The following CLIP1 variants were observed in gnomAD, a reference collection of about 807,000 sequenced individuals.
The protein encoded by CLIP1 is CAP-Gly domain containing linker protein 1, also known as CAP-Gly domain-containing linker protein 1.
A neutral mutation model predicts 161.6 loss-of-function variants in CLIP1; 66 were observed. The observed-to-expected ratio is 0.41, with a 90% CI of 0.33 to 0.50. The LOEUF is 0.50. Among genes scored for constraint, CLIP1 ranks in the 20% least tolerant of loss-of-function variants. The pLI, the probability that CLIP1 is intolerant of heterozygous loss-of-function variation, is 0.27. For synonymous variants in CLIP1, 598 were observed against 626.2 expected (o/e 0.96, Z 0.67); for missense variants, 1,376 against 1,702.0 (o/e 0.81, Z 3.37).
intron 3 of CLIP1, among the ~76,000 whole-genome samples, chr12:122,371,728 G>C (rs1002524275): frequency 2.0e-5 from 3 of 152,326 alleles, no homozygotes; most frequent in Non-Finnish European, 4.4e-5. Context: ...GGATCTGACA[G>C]GCAGGTGGAC....
chr12:122,406,865 C>T (rs1213519088), intron 1 of CLIP1, among the ~76,000 whole-genome samples: 2 of 149,906 alleles, frequency 1.3e-5, no homozygotes, highest in East Asian at 3.9e-4. Flanking sequence ...AGTCTGAGTG[C>T]AGATTTATAT....
At chr12:122,387,205 A>T (rs1446182291) in intron 1 of CLIP1, among the ~76,000 whole-genome samples, 1 of 152,060 alleles carries the variant, frequency 6.6e-6, no homozygotes, top group Non-Finnish European at 1.5e-5. Flanking sequence ...GACTTTCATT[A>T]CTATAATACA....
At chr12:122,359,350 C>T (rs763855654) in intron 5 of CLIP1, among the ~76,000 whole-genome samples, 30 of 152,064 alleles carry the variant, frequency 2.0e-4, no homozygotes, top group Non-Finnish European at 3.4e-4. Context: ...GAGAGATTGG[C>T]GGGAGCAGGG....
rs545769751 is a variant in CLIP1 at position 122,416,947 on chromosome 12, C to A, written c.-107+5574G>T. On this transcript the variant is annotated intron_variant, in intron 1 of 25. Transcript: ENST00000620786. ...CATGGTGCCCAGGTGTGGTGGATCA[C>A]ACCGGTAATCCCAACAGTCTGGGTG... Among the ~76,000 whole-genome samples, 30 of 151,588 alleles carry A rather than the reference C, an allele frequency of 2.0e-4. No homozygotes were observed. In the South Asian group the frequency reaches 6.3e-3, roughly 32 times the overall value.
In CLIP1 at chr12:122,377,384, C is replaced by T; in HGVS notation, c.657+5G>A. 6.2e-7 allele frequency: 1 copy of T among 1,607,270 alleles called. No homozygotes were observed. The highest frequency in any genetic ancestry group is 8.5e-7 in the Non-Finnish European group (1 of 1,176,066). ...GAAATGACCTCAGAATGTTTCTCTA[C>T]TCACCAATACTCTGTCTCCGATTTT... On this transcript the variant is annotated splice_donor_5th_base_variant and intron_variant, in intron 3 of 25. Transcript: ENST00000620786.
intron 21 of CLIP1, among the ~76,000 whole-genome samples, chr12:122,283,122 A>C (rs1363863443): frequency 1.3e-5 from 2 of 152,188 alleles, no homozygotes; most frequent in Non-Finnish European, 2.9e-5. Context: ...TTTGACACTA[A>C]AAAGCCTAGA....
At chr12:122,387,239 G>A (rs1955317325) in intron 1 of CLIP1, among the ~76,000 whole-genome samples, 1 of 152,038 alleles carries the variant, frequency 6.6e-6, no homozygotes, top group African/African-American at 2.4e-5. Context: ...TGTGGTCGGT[G>A]CACTCCCAGG....
chr12:122,355,256 C>T lies in CLIP1; in HGVS notation c.1062G>A (p.Gln354=). 1 of 1,614,222 alleles carries T rather than the reference C, an allele frequency of 6.2e-7. No homozygotes were observed. The highest frequency in any genetic ancestry group is 8.5e-7 in the Non-Finnish European group (1 of 1,180,030). The change falls in exon 6 of 26, where the codon CAG becomes CAA. Residue 354 remains glutamine (Q), a synonymous_variant. Coordinates refer to ENST00000620786, the MANE Select transcript of CLIP1 (RefSeq NM_001247997.2). The surrounding 1 kb of genome is among the most constrained non-coding windows in gnomAD (Gnocchi z 4.1). ...GCTGCTGCTTCTCCTTCAGGGCCTC[C>T]TGGAGGGCAGTGGTACCGGAGATCT... The part of the protein sequence containing the change: ...ARKISGTTAL[Q]EALKEKQQHI...
chr12:122,298,828 G>A (rs1440813128), intron 20 of CLIP1, among the ~76,000 whole-genome samples: 1 of 151,966 alleles, frequency 6.6e-6, no homozygotes, highest in African/African-American at 2.4e-5. Context: ...GGTGGTGCAC[G>A]CCAGTAGTCT....
intron 15 of CLIP1, among the ~76,000 whole-genome samples, chr12:122,331,922 G>A (rs1269273243): frequency 6.6e-6 from 1 of 152,034 alleles, no homozygotes; most frequent in Non-Finnish European, 1.5e-5. Flanking sequence ...TTGAACCTGG[G>A]AGGTGAAGGC....
intron 1 of CLIP1, among the ~76,000 whole-genome samples, chr12:122,384,865 C>G (rs925843239): frequency 1.3e-5 from 2 of 149,978 alleles, no homozygotes; most frequent in Non-Finnish European, 3.0e-5. Context: ...AAAGAAGATA[C>G]CTAAATTCAA....
intron 20 of CLIP1, among the ~76,000 whole-genome samples, chr12:122,308,959 T>A (rs1453063899): frequency 6.6e-6 from 1 of 152,058 alleles, no homozygotes; most frequent in Non-Finnish European, 1.5e-5. Flanking sequence ...GAAAAAAAAT[T>A]TTTTCCCCTT....
At chr12:122,291,881 T>C (rs1253770896) in intron 20 of CLIP1, among the ~76,000 whole-genome samples, 3 of 152,242 alleles carry the variant, frequency 2.0e-5, no homozygotes, top group Admixed American at 2.0e-4. Context: ...GATTCTTGCC[T>C]GAACAAATTA....
intron 8 of CLIP1, among the ~76,000 whole-genome samples, chr12:122,351,706 G>T (rs1013356584): frequency 2.6e-5 from 4 of 152,090 alleles, no homozygotes; most frequent in Non-Finnish European, 5.9e-5. Context: ...GTAGATTAAA[G>T]AACTACAAAT....
intron 9 of CLIP1, 67 bp downstream of exon 9, chr12:122,351,044 A>T: frequency 1.7e-6 from 2 of 1,195,056 alleles, no homozygotes; most frequent in Non-Finnish European, 2.4e-6. Flanking sequence ...TATATCAATA[A>T]GCATTTTAAT....
intron 2 of CLIP1, among the ~76,000 whole-genome samples, chr12:122,379,018 G>A (rs796231890): frequency 3.9e-5 from 6 of 151,922 alleles, no homozygotes; most frequent in East Asian, 3.9e-4. Flanking sequence ...CCAGCTACTC[G>A]GGAGGCTGAG....
intron 2 of CLIP1, 27 bp from the exon 3 acceptor site, chr12:122,377,987 C>G (rs765333561): frequency 6.5e-7 from 1 of 1,550,246 alleles, no homozygotes; most frequent in East Asian, 2.2e-5. Flanking sequence ...ATAAGAGATT[C>G]GATTTAATTT....
chr12:122,380,501 T>C lies in CLIP1; in HGVS notation c.-49A>G, dbSNP rs772534123. On this transcript the variant is annotated 5_prime_UTR_variant, in exon 2 of 26. Coordinates refer to ENST00000620786, the MANE Select transcript of CLIP1 (RefSeq NM_001247997.2). ...TCTCCTTTGCCTGTTGCCACTATCT[T>C]TCCCCAACCATTGATACAACTGTGG... is the stretch of plus-strand genomic sequence containing the variant. The C allele has an allele frequency of 5.8e-6, 7 of 1,196,860 alleles. No homozygotes were observed. Among genetic ancestry groups the C allele is most frequent in the South Asian group, 1.2e-5 (1 of 80,016 alleles). The allele number at this position is 1,196,860 out of a possible 1,614,324, so 74.1% of individuals were successfully genotyped here.
At chr12:122,313,459 G>A (rs576372500) in intron 19 of CLIP1, among the ~76,000 whole-genome samples, 1 of 152,214 alleles carries the variant, frequency 6.6e-6, no homozygotes, top group Admixed American at 6.5e-5. Flanking sequence ...GGGCGTGGTG[G>A]CTCATGCCTA....
Sources: gnomAD v4.1 joint callset for allele counts (sites outside exome capture counted in the v4.1 genomes callset) on GRCh38, gnomAD v4.1.1 for gene constraint, Gnocchi (gnomAD v3.1) non-coding constraint, MANE v1.5 for transcripts, NCBI Gene and HGNC (gene_info 2026-07-23, HGNC 2026-07-21) for gene names.